CDH20: variants seen among roughly 807,000 people sequenced by gnomAD.
CDH20 encodes the protein cadherin-20.
A neutral mutation model predicts 74.2 loss-of-function variants in CDH20; 29 were observed. The ratio of observed to expected loss-of-function variants is 0.39; its 90% CI spans 0.29 to 0.53. The LOEUF is 0.53. Ranked by LOEUF, CDH20 falls within the 20% of genes least tolerant of loss-of-function variation. The probability of loss-of-function intolerance (pLI) is 0.69; values close to 1 mark genes in which losing one functional copy is unlikely to be tolerated. For missense variants in CDH20, 988 were observed against 1,048.3 expected, an observed-to-expected ratio of 0.94 and a Z score of 0.79; for synonymous variants, 469 against 405.4, an observed-to-expected ratio of 1.16 and a Z score of -1.88.
At chr18:61,436,258 A>G (rs962355674) in intron 1 of CDH20, among the ~76,000 whole-genome samples, 1 of 152,160 alleles carries the variant, frequency 6.6e-6, no homozygotes, top group Non-Finnish European at 1.5e-5. Context: ...GTATAGACAT[A>G]TGTTTTCAGT....
At chr18:61,360,529 G>C in intron 1 of CDH20, among the ~76,000 whole-genome samples, 1 of 152,154 alleles carries the variant, frequency 6.6e-6, no homozygotes, top group East Asian at 1.9e-4. Context: ...GGCAGGAGGC[G>C]AGGGGAGGGG....
At chr18:61,490,876 A>G (rs1257646628) in intron 2 of CDH20, 77 bp downstream of exon 2, 3 of 1,500,630 alleles carry the variant, frequency 2.0e-6, no homozygotes, top group Non-Finnish European at 2.8e-6. Flanking sequence ...AAGTTGACCT[A>G]GCCTTTATCT....
intron 1 of CDH20, among the ~76,000 whole-genome samples, chr18:61,383,330 C>T (rs1911493387): frequency 1.3e-5 from 2 of 152,146 alleles, no homozygotes; most frequent in African/African-American, 4.8e-5. Context: ...CCTGTAATCT[C>T]AGCACTTTGG....
Position 61,525,345 on chromosome 18 carries a change from A to G in CDH20, c.1018-2622A>G, listed in dbSNP as rs145073082. Among the ~76,000 whole-genome samples, 725 of 152,372 alleles carry G rather than the reference A, an allele frequency of 4.8e-3. 6 individuals are homozygous for G. The highest frequency in any genetic ancestry group is 0.016 in the African/African-American group (681 of 41,584). ...ATTAAAGGGAAAACAAGTTTTGCCT[A>G]GCTCAAACCTAACACAAACAACGGT... On this transcript the variant is annotated intron_variant, in intron 6 of 11. Transcript: ENST00000262717.
At chr18:61,364,775 T>C (rs1910807235) in intron 1 of CDH20, among the ~76,000 whole-genome samples, 1 of 152,190 alleles carries the variant, frequency 6.6e-6, no homozygotes. Flanking sequence ...ATGCCAGTCT[T>C]CCAGCCAGCA....
At chr18:61,411,592 A>G (rs1422546585) in intron 1 of CDH20, among the ~76,000 whole-genome samples, 115 of 502 alleles carry the variant, frequency 0.23, no homozygotes, top group Middle Eastern at 0.5. Flanking sequence ...ATATATATAT[A>G]TATATATATA....
intron 6 of CDH20, among the ~76,000 whole-genome samples, chr18:61,527,554 G>A (rs1052904145): frequency 9.2e-5 from 14 of 152,112 alleles, no homozygotes; most frequent in Admixed American, 7.2e-4. Flanking sequence ...ACAGAATAGA[G>A]TCCTAGGAAA....
chr18:61,450,383 C>T (rs1213224701), intron 1 of CDH20, among the ~76,000 whole-genome samples: 1 of 51,884 alleles, frequency 1.9e-5, no homozygotes, highest in East Asian at 3.7e-4. Context: ...AAGGCAAACC[C>T]CTTTAAAAAA....
intron 1 of CDH20, among the ~76,000 whole-genome samples, chr18:61,468,991 C>G (rs1018711893): frequency 9.2e-5 from 14 of 152,040 alleles, no homozygotes; most frequent in African/African-American, 3.4e-4. Context: ...AAATCAAACC[C>G]CTCCCCTCAA....
intron 1 of CDH20, among the ~76,000 whole-genome samples, chr18:61,360,907 G>C (rs575112984): frequency 6.6e-6 from 1 of 152,166 alleles, no homozygotes; most frequent in African/African-American, 2.4e-5. Context: ...GTTTCAGTTC[G>C]CAGACATCAT....
chr18:61,541,940 G>A (rs1913056486), intron 9 of CDH20, among the ~76,000 whole-genome samples: 1 of 152,008 alleles, frequency 6.6e-6, no homozygotes, highest in East Asian at 1.9e-4. Context: ...GAGCAGGAGA[G>A]CGGGCCATGC....
intron 6 of CDH20, among the ~76,000 whole-genome samples, chr18:61,510,980 C>CTTTTTTTTT (rs112741210): frequency 1.7e-3 from 229 of 135,566 alleles, no homozygotes; most frequent in Middle Eastern, 4.0e-3. Context: ...TTCTTTCTTT[C>CTTTTTTTTT]TTTTTTTTTT....
At chr18:61,470,963 C>A (rs1910152954) in intron 1 of CDH20, among the ~76,000 whole-genome samples, 1 of 151,878 alleles carries the variant, frequency 6.6e-6, no homozygotes, top group Non-Finnish European at 1.5e-5. Context: ...GAATGAAATA[C>A]CACCAAGACG....
intron 1 of CDH20, among the ~76,000 whole-genome samples, chr18:61,358,267 A>G (rs1214480898): frequency 3.3e-5 from 5 of 150,626 alleles, no homozygotes; most frequent in Non-Finnish European, 7.4e-5. Flanking sequence ...GGCGCCCGCC[A>G]CCACACCCAG....
chr18:61,438,874 A>G (rs1908927939), intron 1 of CDH20, among the ~76,000 whole-genome samples: 1 of 152,196 alleles, frequency 6.6e-6, no homozygotes, highest in Non-Finnish European at 1.5e-5. Context: ...TCAATGGTGG[A>G]TTGGATAAAG....
chr18:61,526,073 A>G (rs1166092086), intron 6 of CDH20, among the ~76,000 whole-genome samples: 1 of 134,196 alleles, frequency 7.5e-6, no homozygotes, highest in Non-Finnish European at 1.5e-5. Context: ...AGCTTCCTAC[A>G]TTGTCAGGCT....
chr18:61,403,482 T>C (rs1009516950), intron 1 of CDH20, among the ~76,000 whole-genome samples: 2 of 152,258 alleles, frequency 1.3e-5, no homozygotes, highest in African/African-American at 4.8e-5. Flanking sequence ...GACTTTTGTC[T>C]TAACCAGCCT....
At chr18:61,455,409 T>C (rs1056181666) in intron 1 of CDH20, among the ~76,000 whole-genome samples, 1 of 152,366 alleles carries the variant, frequency 6.6e-6, no homozygotes, top group African/African-American at 2.4e-5. Flanking sequence ...TCCGGAGCCA[T>C]TAATGAAATT....
intron 1 of CDH20, among the ~76,000 whole-genome samples, chr18:61,440,688 C>T (rs762859920): frequency 7.9e-5 from 12 of 152,158 alleles, no homozygotes; most frequent in Admixed American, 2.6e-4. Flanking sequence ...CGTCTGGGAG[C>T]TTGCCTGGGG....
Sources: allele counts gnomAD v4.1 joint callset (sites outside exome capture counted in the v4.1 genomes callset), GRCh38; gene constraint gnomAD v4.1.1; transcripts MANE v1.5; gene names NCBI Gene and HGNC (gene_info 2026-07-23, HGNC 2026-07-21).